The following DST variants were observed in gnomAD, a reference collection of about 807,000 sequenced individuals.
DST encodes dystonin.
Under a neutral mutation model 875.2 loss-of-function variants are expected in DST, and 253 were observed. That is an observed-to-expected ratio of 0.29 (90% CI 0.26 to 0.32). DST has a LOEUF of 0.32. Ranked by LOEUF, DST falls within the 10% of genes least tolerant of loss-of-function variation. DST has a pLI of 1.00. For synonymous variants in DST, 3,124 were observed against 3,197.1 expected (o/e 0.98, Z 0.77); for missense variants, 8,287 against 9,111.6 (o/e 0.91, Z 3.68).
In DST at chr6:56,553,646, A is replaced by G. The variant is rs754144922; in HGVS notation, c.15146T>C (p.Val5049Ala). The G allele has an allele frequency of 6.2e-7, 1 of 1,610,482 alleles. No homozygotes were observed. The part of the protein sequence containing the change: ...KDVEQKAENH[V>A]QHLQSACASS... ...TGCACAGGCCGACTGAAGGTGCTGG[A>G]CATGATTCTCTAGAAATAAAATTAC... The change falls in exon 61 of 104, where the codon GTC (valine) becomes GCC (alanine). Residue 5049 changes from valine (V) to alanine (A), a missense_variant. Around this residue, in one of 10 missense-constraint regions of DST, gnomAD observed 1,513 missense variants for 1,677.8 expected, o/e 0.90. Transcript: ENST00000680361.
At chr6:56,602,096 T>A in intron 43 of DST, 1 of 320,842 alleles carries the variant, frequency 3.1e-6, no homozygotes, top group South Asian at 2.6e-5. Context: ...GAAATATGAA[T>A]GAAATATGCC....
intron 3 of DST, among the ~76,000 whole-genome samples, chr6:56,883,192 G>A (rs1011886268): frequency 2.6e-5 from 4 of 152,068 alleles, no homozygotes; most frequent in African/African-American, 9.7e-5. Context: ...GGTCAGTTTT[G>A]TTTCAATGAT....
intron 4 of DST, among the ~76,000 whole-genome samples, chr6:56,741,324 T>C (rs2152937617): frequency 6.6e-6 from 1 of 152,308 alleles, no homozygotes; most frequent in Admixed American, 6.5e-5. Flanking sequence ...GATCCGTAAC[T>C]AAAGTACATA....
At chr6:56,872,563 G>A (rs1777695709) in intron 3 of DST, among the ~76,000 whole-genome samples, 1 of 151,902 alleles carries the variant, frequency 6.6e-6, no homozygotes, top group Non-Finnish European at 1.5e-5. Context: ...AAACTTTTTA[G>A]GAATAAATAG....
In DST at chr6:56,636,570, G is replaced by T. The variant is rs1270252749; in HGVS notation, c.3047C>A (p.Thr1016Lys). Residue 1016 changes from threonine (T) to lysine (K), a missense_variant, in exon 23 of 104, where the codon ACA (threonine) becomes AAA (lysine). Coordinates refer to ENST00000680361, the MANE Select transcript of DST (RefSeq NM_001374736.1). ...QCVEQHIKEN[T>K]AYFEFFNDAK... ...CTACTCACATACCTCGAAATACGCT[G>T]TGTTCTCCTTTATGTGCTGCTCCAC... The T allele has an allele frequency of 6.2e-7, 1 of 1,612,908 alleles. No individual in the cohort carries two copies. The highest frequency in any genetic ancestry group is 1.3e-5 in the African/African-American group (1 of 74,994).
At chr6:56,762,772 A>C (rs2099620349) in intron 4 of DST, among the ~76,000 whole-genome samples, 1 of 151,598 alleles carries the variant, frequency 6.6e-6, no homozygotes, top group Non-Finnish European at 1.5e-5. Context: ...TATTGCTCTC[A>C]TTCAATAAGA....
rs1430230346 is a variant in DST at position 56,476,045 on chromosome 6, G to T, written c.21864+104C>A. The T allele has an allele frequency of 8.6e-6, 9 of 1,051,996 alleles. No homozygotes were observed. In the East Asian group the frequency reaches 2.4e-4, roughly 28 times the overall value. 65.2% of individuals were successfully genotyped at this position (1,051,996 alleles called of 1,614,324 possible). A position where few individuals can be genotyped will look rare whatever the true frequency, so the allele number is the denominator to read the frequency against. Reference sequence around the variant, plus strand: ...GTAAGGAGCTGAGGAGTCTGAAGAAGTGAAAATAACGAGAACAAAGCAATG... The same window carrying T: ...GTAAGGAGCTGAGGAGTCTGAAGAATTGAAAATAACGAGAACAAAGCAATG... On this transcript the variant is annotated intron_variant, in intron 92 of 103. Transcript: ENST00000680361.
intron 3 of DST, among the ~76,000 whole-genome samples, chr6:56,869,591 A>G (rs962963464): frequency 2.8e-5 from 4 of 144,202 alleles, no homozygotes; most frequent in Non-Finnish European, 4.6e-5. Flanking sequence ...GACAGAGAAG[A>G]AAAAAAAAAA....
chr6:56,771,656 T>C (rs2099665507), intron 4 of DST, among the ~76,000 whole-genome samples: 1 of 152,152 alleles, frequency 6.6e-6, no homozygotes, highest in African/African-American at 2.4e-5. Flanking sequence ...TTGCTTGCCA[T>C]GAATACAAAA....
intron 46 of DST, 94 bp from the exon 47 acceptor site, chr6:56,598,100 T>C (rs2098408729): frequency 1.6e-6 from 2 of 1,212,572 alleles, no homozygotes; most frequent in African/African-American, 3.1e-5. Context: ...CATTTTAAAT[T>C]AGAATGAGGG....
intron 2 of DST, among the ~76,000 whole-genome samples, chr6:56,949,886 A>G (rs1002057520): frequency 2.0e-5 from 3 of 152,204 alleles, no homozygotes; most frequent in Non-Finnish European, 2.9e-5. Context: ...CCATTCTCCA[A>G]TGATTTGGTA....
chr6:56,943,497 A>G (rs1817799209), intron 2 of DST, among the ~76,000 whole-genome samples: 1 of 148,592 alleles, frequency 6.7e-6, no homozygotes, highest in Non-Finnish European at 1.5e-5. Context: ...GCACGATCTC[A>G]GCTCAGCTCA....
chr6:56,770,156 C>G (rs554232869), intron 4 of DST, among the ~76,000 whole-genome samples: 1 of 152,274 alleles, frequency 6.6e-6, no homozygotes, highest in South Asian at 2.1e-4. Context: ...GACTCCTAAA[C>G]AGCAGATAAG....
At chr6:56,694,684 G>A (rs1426304603) in intron 9 of DST, among the ~76,000 whole-genome samples, 2 of 152,128 alleles carry the variant, frequency 1.3e-5, no homozygotes, top group Non-Finnish European at 2.9e-5. Context: ...ATGAAGTTTA[G>A]ATATTTGTCC....
In DST at chr6:56,489,419, T is replaced by C. The variant is rs2095666152; in HGVS notation, c.20877+71A>G. The C allele has an allele frequency of 6.9e-6, 10 of 1,444,974 alleles. No individual in the cohort carries two copies. The East Asian group carries it at 2.4e-4, about 35-fold the overall frequency. 89.5% of individuals were successfully genotyped at this position (1,444,974 alleles called of 1,614,324 possible). Reference sequence around the variant, plus strand: ...TCTTTAGTGATGAATAAACACGTGATGAAGTAAGGATTTTAAAGTGATCTT... The same window carrying C: ...TCTTTAGTGATGAATAAACACGTGACGAAGTAAGGATTTTAAAGTGATCTT... On this transcript the variant is annotated intron_variant, in intron 86 of 103. Transcript: ENST00000680361.
chr6:56,512,446 C>T (rs2096495463), intron 72 of DST, among the ~76,000 whole-genome samples: 1 of 152,180 alleles, frequency 6.6e-6, no homozygotes, highest in Non-Finnish European at 1.5e-5. Context: ...CTGAGGCTGG[C>T]CTCTGTGCAG....
intron 4 of DST, among the ~76,000 whole-genome samples, chr6:56,754,756 T>G: frequency 6.6e-6 from 1 of 152,188 alleles, no homozygotes; most frequent in Non-Finnish European, 1.5e-5. Context: ...AATGACTTCA[T>G]GGTTCCAAGA....
At chr6:56,670,133 CGTGTGTGTGTGTGTGTGTGTGTGT>C (rs70989723) in intron 10 of DST, among the ~76,000 whole-genome samples, 2 of 146,198 alleles carry the variant, frequency 1.4e-5, no homozygotes, top group African/African-American at 5.0e-5. Flanking sequence ...AGCGCCCGTG[CGTGTGTGTGTGTGTGTGTGTGTGT>C]GTGTGTGTGT....
At chr6:56,465,107 C>T (rs1010704427) in intron 99 of DST, among the ~76,000 whole-genome samples, 4 of 152,172 alleles carry the variant, frequency 2.6e-5, no homozygotes, top group African/African-American at 9.7e-5. Context: ...GCAGGTGTGT[C>T]TTTGGCCAGG....
Sources: allele counts gnomAD v4.1 joint callset (sites outside exome capture counted in the v4.1 genomes callset), GRCh38; gene constraint gnomAD v4.1.1; regional missense constraint gnomAD v4.1.1; transcripts MANE v1.5; gene names NCBI Gene and HGNC (gene_info 2026-07-23, HGNC 2026-07-21).